Variants in SCAPER observed in about 807,000 individuals in gnomAD.
The protein encoded by SCAPER is S phase cyclin A-associated protein in the endoplasmic reticulum.
A neutral mutation model predicts 182.2 loss-of-function variants in SCAPER; 98 were observed. That is an observed-to-expected ratio of 0.54 (90% CI 0.46 to 0.64). SCAPER has a LOEUF of 0.64. Ranked by LOEUF, SCAPER falls within the 30% of genes least tolerant of loss-of-function variation. SCAPER has a pLI of 0.00. For missense variants in SCAPER, 1,432 were observed against 1,690.0 expected (o/e 0.85, Z 2.68); for synonymous variants, 605 against 564.6 (o/e 1.07, Z -1.01).
intron 24 of SCAPER, among the ~76,000 whole-genome samples, chr15:76,481,258 ATG>A (rs1567230925): frequency 1.3e-5 from 2 of 152,252 alleles, no homozygotes; most frequent in Non-Finnish European, 2.9e-5. Context: ...CTTTATAAAT[ATG>A]CTGGGAGGCA....
intron 29 of SCAPER, among the ~76,000 whole-genome samples, chr15:76,370,789 A>C (rs904217676): frequency 6.6e-6 from 1 of 152,186 alleles, no homozygotes; most frequent in Non-Finnish European, 1.5e-5. Context: ...TCTATCTGCT[A>C]AATTGTGGAC....
chr15:76,791,965 A>G (rs1157377393), intron 8 of SCAPER, among the ~76,000 whole-genome samples: 1 of 150,976 alleles, frequency 6.6e-6, no homozygotes, highest in Admixed American at 6.6e-5. Flanking sequence ...ATGATAGTGA[A>G]CAAGCAGATC....
intron 5 of SCAPER, among the ~76,000 whole-genome samples, chr15:76,808,607 A>G (rs917077576): frequency 3.3e-5 from 5 of 152,176 alleles, no homozygotes; most frequent in African/African-American, 1.2e-4. Flanking sequence ...GAAACTGACT[A>G]CACACCTAAT....
intron 5 of SCAPER, among the ~76,000 whole-genome samples, chr15:76,841,401 C>T (rs1227715920): frequency 1.3e-5 from 2 of 152,098 alleles, no homozygotes; most frequent in African/African-American, 4.8e-5. Context: ...AATCACAGCA[C>T]TTTGGGAGGC....
At position 76,806,509 on chromosome 15, in the gene SCAPER, T is replaced by C. The variant is rs1391548143; in HGVS notation, c.394-1876A>G. Among the ~76,000 whole-genome samples, 6 of 152,318 alleles carry C rather than the reference T, an allele frequency of 3.9e-5. No individual in the cohort carries two copies. The East Asian group carries it at 1.2e-3, about 29-fold the overall frequency. On this transcript the variant is annotated intron_variant, in intron 5 of 31. Transcript: ENST00000563290. ...ACGTTGTTCTTTTTCAGGATTGTCT[T>C]GGCTATTCTACATACTTTGCATCCC...
At chr15:76,819,308 C>T (rs906569502) in intron 5 of SCAPER, among the ~76,000 whole-genome samples, 11 of 152,192 alleles carry the variant, frequency 7.2e-5, no homozygotes, top group African/African-American at 2.7e-4. Context: ...TCCCTGATCC[C>T]CAAGTAGCCT....
At chr15:76,650,626 A>G (rs1304059060) in intron 21 of SCAPER, among the ~76,000 whole-genome samples, 2 of 152,130 alleles carry the variant, frequency 1.3e-5, no homozygotes, top group Non-Finnish European at 2.9e-5. Flanking sequence ...TCAGAGAGAC[A>G]ATACTACAGA....
chr15:76,573,960 T>TAA (rs905680903), intron 23 of SCAPER, among the ~76,000 whole-genome samples, 198 bp downstream of exon 23: 3 of 149,322 alleles, frequency 2.0e-5, no homozygotes, highest in Non-Finnish European at 4.5e-5. Context: ...GGACTTCAAT[T>TAA]AAAAAAAAAC....
chr15:76,667,691 A>G (rs1331043981), intron 20 of SCAPER, among the ~76,000 whole-genome samples: 1 of 147,928 alleles, frequency 6.8e-6, no homozygotes, highest in Non-Finnish European at 1.5e-5. Context: ...GCAGCTCAAC[A>G]CCTGTAATCC....
chr15:76,543,946 G>T (rs906114882), intron 23 of SCAPER, among the ~76,000 whole-genome samples: 1 of 152,058 alleles, frequency 6.6e-6, no homozygotes, highest in African/African-American at 2.4e-5. Flanking sequence ...ATTTCTAAGG[G>T]ACTTATATAT....
At chr15:76,371,548 G>C (rs2042177382) in intron 29 of SCAPER, among the ~76,000 whole-genome samples, 1 of 151,632 alleles carries the variant, frequency 6.6e-6, no homozygotes, top group Non-Finnish European at 1.5e-5. Flanking sequence ...TCGAGCTCCT[G>C]ACCCTGTGAT....
At chr15:76,609,730 T>C (rs2050807154) in intron 22 of SCAPER, among the ~76,000 whole-genome samples, 1 of 152,216 alleles carries the variant, frequency 6.6e-6, no homozygotes, top group Non-Finnish European at 1.5e-5. Context: ...CATGATGTAC[T>C]AGGTAAATGG....
At chr15:76,590,349 ATT>A (rs892500964) in intron 22 of SCAPER, among the ~76,000 whole-genome samples, 1 of 152,186 alleles carries the variant, frequency 6.6e-6, no homozygotes, top group Non-Finnish European at 1.5e-5. Flanking sequence ...TGGAAAATGT[ATT>A]TTTTTCAATA....
At chr15:76,884,705 T>C (rs1259167263) in intron 1 of SCAPER, among the ~76,000 whole-genome samples, 4 of 152,216 alleles carry the variant, frequency 2.6e-5, no homozygotes, top group South Asian at 4.1e-4. Context: ...TAAAAATTTA[T>C]ATGCAAATGT....
intron 15 of SCAPER, among the ~76,000 whole-genome samples, chr15:76,740,946 G>T (rs77488444): frequency 3.3e-5 from 5 of 152,088 alleles, no homozygotes; most frequent in East Asian, 1.9e-4. Flanking sequence ...TTTAGCAAGG[G>T]TTCCCTAAAA....
chr15:76,707,319 C>T (rs1056155078), intron 17 of SCAPER, among the ~76,000 whole-genome samples: 1 of 151,892 alleles, frequency 6.6e-6, no homozygotes, highest in Admixed American at 6.6e-5. Context: ...ACTAAACATT[C>T]CAATCAAAAG....
At chr15:76,384,437 A>G in intron 27 of SCAPER, among the ~76,000 whole-genome samples, 1 of 152,222 alleles carries the variant, frequency 6.6e-6, no homozygotes, top group East Asian at 1.9e-4. Context: ...CCTCTTCCGA[A>G]GAATATGTGT....
At chr15:76,546,385 A>T (rs901215222) in intron 23 of SCAPER, among the ~76,000 whole-genome samples, 1 of 152,090 alleles carries the variant, frequency 6.6e-6, no homozygotes, top group African/African-American at 2.4e-5. Flanking sequence ...TTTCTAAAAA[A>T]AAATTTGTTG....
At chr15:76,628,202 T>G (rs889890255) in intron 21 of SCAPER, among the ~76,000 whole-genome samples, 1 of 152,218 alleles carries the variant, frequency 6.6e-6, no homozygotes, top group African/African-American at 2.4e-5. Flanking sequence ...ATGCATAGAT[T>G]GCAAAAATTT....
Sources: gnomAD v4.1 joint callset for allele counts (sites outside exome capture counted in the v4.1 genomes callset) on GRCh38, gnomAD v4.1.1 for gene constraint, MANE v1.5 for transcripts, NCBI Gene and HGNC (gene_info 2026-07-23, HGNC 2026-07-21) for gene names.